The following RPN2 variants were observed in gnomAD, a reference collection of about 807,000 sequenced individuals.
The protein encoded by RPN2 is dolichyl-diphosphooligosaccharide--protein glycosyltransferase subunit 2.
A neutral mutation model predicts 71.4 loss-of-function variants in RPN2; 29 were observed. The ratio of observed to expected loss-of-function variants is 0.41; its 90% confidence interval spans 0.30 to 0.55. The LOEUF is 0.55. Among genes scored for constraint, RPN2 ranks in the 20% least tolerant of loss-of-function variants. The probability of loss-of-function intolerance (pLI) is 0.35; values close to 1 mark genes in which losing one functional copy is unlikely to be tolerated. For missense variants in RPN2, 726 were observed against 774.1 expected, an observed-to-expected ratio of 0.94 and a Z score of 0.74; for synonymous variants, 308 against 305.0, an observed-to-expected ratio of 1.01 and a Z score of -0.10.
intron 2 of RPN2, among the ~76,000 whole-genome samples, chr20:37,186,830 A>G (rs1280859840): frequency 1.3e-5 from 2 of 152,122 alleles, no homozygotes; most frequent in Non-Finnish European, 2.9e-5. Context: ...AAGTCAGGTC[A>G]TTTGTCCTGG....
intron 16 of RPN2, among the ~76,000 whole-genome samples, chr20:37,237,591 C>G (rs922122538): frequency 1.3e-5 from 2 of 152,096 alleles, no homozygotes; most frequent in Non-Finnish European, 2.9e-5. Context: ...CATCTCCGCC[C>G]GAGTCTCCAT....
intron 2 of RPN2, among the ~76,000 whole-genome samples, chr20:37,188,208 T>C (rs11698844): frequency 0.77 from 116,865 of 152,080 alleles, 45,374 homozygotes; most frequent in Middle Eastern, 0.89. Context: ...CTTACTCTGT[T>C]GCCAAGCTGG....
rs954454736 is a variant in RPN2, at chr20:37,241,404, A to G, written c.*89A>G. The G allele has an allele frequency of 2.0e-6, 3 of 1,482,828 alleles. No individual in the cohort carries two copies. The highest frequency in any genetic ancestry group is 2.4e-5 in the East Asian group (1 of 42,004). 91.9% of individuals were successfully genotyped at this position (1,482,828 alleles called of 1,614,324 possible). ...CAGTATGAGAAGAAAAATGGAAAAA[A>G]AAAACTTTATTTAAAAAAGAAAAAA... On this transcript the variant is annotated 3_prime_UTR_variant, in exon 17 of 17. Coordinates refer to ENST00000237530, the MANE Select transcript of RPN2 (RefSeq NM_002951.5).
chr20:37,209,900 C>T (rs1349720958), intron 7 of RPN2, 147 bp from the exon 8 acceptor site: 14 of 1,373,884 alleles, frequency 1.0e-5, no homozygotes, highest in Non-Finnish European at 1.4e-5. Context: ...TAGGATTAGG[C>T]AGCAGGCCCA....
At position 37,241,598 on chromosome 20, in the gene RPN2, A is replaced by G. The variant is rs1366209271; in HGVS notation, c.*283A>G. The G allele has an allele frequency of 2.1e-6, 1 of 475,364 alleles. No individual in the cohort carries two copies. Among genetic ancestry groups the G allele is most frequent in the African/African-American group, 2.0e-5 (1 of 50,984 alleles). The allele number at this position is 475,364 out of a possible 1,614,324, so 29.4% of individuals were successfully genotyped here. ...AGTTGAAATGTGTAATTGTTTTGGA[A>G]TAAAGAGGGTAACAATAGGAACAAA... On this transcript the variant is annotated 3_prime_UTR_variant, in exon 17 of 17. Transcript: ENST00000237530.
intron 4 of RPN2, chr20:37,200,578 C>G (rs919605882): frequency 2.4e-5 from 12 of 502,982 alleles, no homozygotes; most frequent in African/African-American, 6.0e-5. Flanking sequence ...TTGCTGACAA[C>G]CAGATTTTCT....
chr20:37,230,610 G>C (rs2068214640), intron 13 of RPN2, among the ~76,000 whole-genome samples: 1 of 152,140 alleles, frequency 6.6e-6, no homozygotes, highest in Non-Finnish European at 1.5e-5. Flanking sequence ...TTTGGATACT[G>C]GTTAAGGAAA....
chr20:37,241,471 C>T lies in RPN2; in HGVS notation c.*156C>T, dbSNP rs2068549492. 1 of 832,780 alleles carries T rather than the reference C, an allele frequency of 1.2e-6. No individual in the cohort carries two copies. The highest frequency in any genetic ancestry group is 1.9e-6 in the Non-Finnish European group (1 of 513,884). The allele number at this position is 832,780 out of a possible 1,614,324, so 51.6% of individuals were successfully genotyped here. ...TACTTTTGCTTGTTTTTCAGTTTCC[C>T]CAACACACAGCAGATACCTGGTGAG... On this transcript the variant is annotated 3_prime_UTR_variant, in exon 17 of 17. Coordinates refer to ENST00000237530, the MANE Select transcript of RPN2 (RefSeq NM_002951.5).
intron 6 of RPN2, among the ~76,000 whole-genome samples, chr20:37,205,488 GT>G (rs1018403303): frequency 4.6e-5 from 7 of 152,180 alleles, no homozygotes; most frequent in Admixed American, 1.3e-4. Context: ...TGTACCCCTT[GT>G]TTGTGAGAAG....
At chr20:37,238,101 A>C (rs1754154480) in intron 16 of RPN2, among the ~76,000 whole-genome samples, 1 of 152,270 alleles carries the variant, frequency 6.6e-6, no homozygotes, top group Admixed American at 6.5e-5. Context: ...TGTTCTGCTT[A>C]GCAGGAGTTC....
At chr20:37,233,336 A>T (rs1363858579) in intron 14 of RPN2, among the ~76,000 whole-genome samples, 1 of 148,994 alleles carries the variant, frequency 6.7e-6, no homozygotes, top group Non-Finnish European at 1.5e-5. Context: ...TACCATTTGA[A>T]TTTTTTTTTT....
In RPN2 at chr20:37,223,768, A is replaced by AT. The variant is rs1285411019; in HGVS notation, c.1093-104dup. 1.3e-4 allele frequency: 113 copies of AT among 859,488 alleles called. No homozygotes were observed. The East Asian group carries it at 2.6e-3, about 20-fold the overall frequency. 53.2% of individuals were successfully genotyped at this position (859,488 alleles called of 1,614,324 possible). On this transcript the variant is annotated intron_variant, in intron 9 of 16. Transcript: ENST00000237530. Reference sequence around the variant, plus strand: ...CATCCTTGAAGACTCTTGTTCTAGGATTTTTTCATGCCTTTACTCACCTTA... The same window carrying AT: ...CATCCTTGAAGACTCTTGTTCTAGGATTTTTTTCATGCCTTTACTCACCTTA...
chr20:37,206,910 T>C (rs1053358638), intron 6 of RPN2, among the ~76,000 whole-genome samples: 1 of 152,084 alleles, frequency 6.6e-6, no homozygotes, highest in Non-Finnish European at 1.5e-5. Context: ...GGTTTTTCTC[T>C]ATGTTAGTCA....
At chr20:37,240,863 T>C (rs1194539787) in intron 16 of RPN2, among the ~76,000 whole-genome samples, 2 of 152,214 alleles carry the variant, frequency 1.3e-5, no homozygotes, top group African/African-American at 4.8e-5. Flanking sequence ...CAGGATGTCA[T>C]GTTCTAAGCT....
At chr20:37,221,716 A>G (rs1235799319) in intron 9 of RPN2, among the ~76,000 whole-genome samples, 1 of 152,216 alleles carries the variant, frequency 6.6e-6, no homozygotes, top group African/African-American at 2.4e-5. Context: ...CTGAAGACAG[A>G]TTATTTTTAT....
At chr20:37,183,699 G>A (rs777107406) in intron 1 of RPN2, among the ~76,000 whole-genome samples, 2 of 152,216 alleles carry the variant, frequency 1.3e-5, no homozygotes, top group African/African-American at 2.4e-5. Context: ...AGGGAGAGCT[G>A]CTTAAGGAAG....
At chr20:37,206,919 C>G (rs117009229) in intron 6 of RPN2, among the ~76,000 whole-genome samples, 3 of 152,056 alleles carry the variant, frequency 2.0e-5, no homozygotes, top group African/African-American at 7.2e-5. Flanking sequence ...CTATGTTAGT[C>G]AGGCTGGTCT....
intron 4 of RPN2, among the ~76,000 whole-genome samples, chr20:37,202,398 TTGTTA>T: frequency 6.6e-6 from 1 of 152,344 alleles, no homozygotes. Flanking sequence ...AGAATCTAAA[TTGTTA>T]TGTTCTTGAC....
intron 4 of RPN2, among the ~76,000 whole-genome samples, chr20:37,203,520 T>G (rs576526210): frequency 7.2e-5 from 11 of 152,186 alleles, no homozygotes; most frequent in Non-Finnish European, 1.3e-4. Flanking sequence ...TTTAGTATTT[T>G]TAGTAGAGGT....
Sources: allele counts gnomAD v4.1 joint callset (sites outside exome capture counted in the v4.1 genomes callset), GRCh38; gene constraint gnomAD v4.1.1; transcripts MANE v1.5; gene names NCBI Gene and HGNC (gene_info 2026-07-23, HGNC 2026-07-21).